Variants in IFT80 observed in about 807,000 individuals in gnomAD.
The protein encoded by IFT80 is intraflagellar transport 80.
IFT80 carries 79 observed loss-of-function variants against 107.9 expected under a neutral mutation model. That is an observed-to-expected ratio of 0.73 (90% CI 0.61 to 0.88). The LOEUF is 0.88. IFT80 is among the 40% of genes least tolerant of loss of function. The pLI, the probability that IFT80 is intolerant of heterozygous loss-of-function variation, is 0.00. For synonymous variants in IFT80, 299 were observed against 300.9 expected, an observed-to-expected ratio of 0.99 and a Z score of 0.07; for missense variants, 797 against 914.2, an observed-to-expected ratio of 0.87 and a Z score of 1.65.
At chr3:160,261,395 T>C (rs968783298) in intron 19 of IFT80, among the ~76,000 whole-genome samples, 19 of 150,636 alleles carry the variant, frequency 1.3e-4, no homozygotes, top group African/African-American at 7.4e-5. Context: ...ACTGTCTTCA[T>C]AGAGAGATAA....
intron 9 of IFT80, among the ~76,000 whole-genome samples, chr3:160,311,002 G>A (rs1404407566): frequency 6.6e-6 from 1 of 152,144 alleles, no homozygotes; most frequent in Non-Finnish European, 1.5e-5. Flanking sequence ...GCAGACACCT[G>A]TGGTCCCAGC....
At chr3:160,383,302 G>T (rs1712672992) in intron 2 of IFT80, 1 of 196,170 alleles carries the variant, frequency 5.1e-6, no homozygotes, top group Non-Finnish European at 9.2e-6. Flanking sequence ...CTATAAAATT[G>T]TGTATGGTGT....
At chr3:160,309,412 T>C (rs1717062479) in intron 9 of IFT80, among the ~76,000 whole-genome samples, 1 of 151,958 alleles carries the variant, frequency 6.6e-6, no homozygotes, top group Non-Finnish European at 1.5e-5. Flanking sequence ...AAAAATGCGC[T>C]AGGTGTGGTG....
intron 18 of IFT80, among the ~76,000 whole-genome samples, chr3:160,270,316 T>C (rs1312376761): frequency 6.6e-6 from 1 of 152,208 alleles, no homozygotes. Flanking sequence ...TGCCTTACTA[T>C]TGATCAAACT....
chr3:160,334,386 C>T (rs1000238925), intron 8 of IFT80, among the ~76,000 whole-genome samples: 2 of 150,596 alleles, frequency 1.3e-5, no homozygotes, highest in Non-Finnish European at 2.9e-5. Context: ...GGTATATACA[C>T]ATTTGATGTG....
intron 8 of IFT80, among the ~76,000 whole-genome samples, chr3:160,339,401 T>C (rs868717722): frequency 6.6e-6 from 1 of 152,212 alleles, no homozygotes; most frequent in Non-Finnish European, 1.5e-5. Context: ...TATTTTGTTA[T>C]GATTATGGGT....
intron 9 of IFT80, among the ~76,000 whole-genome samples, chr3:160,312,796 AAT>A (rs1717433800): frequency 2.4e-5 from 1 of 42,232 alleles, no homozygotes; most frequent in African/African-American, 8.9e-5. Flanking sequence ...ATATATATAT[AAT>A]AAATGTATAT....
Position 160,384,631 on chromosome 3 carries a change from C to A in IFT80, c.-31G>T. 1 of 1,587,258 alleles carries A rather than the reference C, an allele frequency of 6.3e-7. No individual in the cohort carries two copies. Among genetic ancestry groups the A allele is most frequent in the South Asian group, 1.1e-5 (1 of 90,282 alleles). ...CACTTCCAGCAAAAATTTAAGATGC[C>A]ACTTGATTGTATTTACTGTAAAAAT... On this transcript the variant is annotated 5_prime_UTR_variant, in exon 2 of 20. Coordinates refer to ENST00000326448, the MANE Select transcript of IFT80 (RefSeq NM_020800.3).
intron 8 of IFT80, among the ~76,000 whole-genome samples, chr3:160,329,335 T>C (rs566383303): frequency 1.0e-3 from 158 of 152,258 alleles, no homozygotes; most frequent in African/African-American, 3.5e-3. Flanking sequence ...TACTACCCTC[T>C]AAAAGGGAAT....
intron 3 of IFT80, chr3:160,377,742 G>A: frequency 2.5e-6 from 1 of 403,660 alleles, no homozygotes; most frequent in Non-Finnish European, 4.4e-6. Flanking sequence ...AAATGCATAT[G>A]CTTACGTGGT....
chr3:160,343,679 A>G (rs1282745180), intron 8 of IFT80: 1 of 224,244 alleles, frequency 4.5e-6, no homozygotes, highest in Non-Finnish European at 9.1e-6. Context: ...TAGTTTCTAT[A>G]TTTGTTTTTA....
intron 10 of IFT80, among the ~76,000 whole-genome samples, chr3:160,306,964 T>C (rs547546667): frequency 9.9e-5 from 15 of 152,206 alleles, no homozygotes; most frequent in Admixed American, 1.3e-4. Context: ...GACTAAACTA[T>C]ACATAATGTT....
At chr3:160,311,317 T>C (rs756548059) in intron 9 of IFT80, among the ~76,000 whole-genome samples, 9 of 152,146 alleles carry the variant, frequency 5.9e-5, no homozygotes, top group Non-Finnish European at 1.3e-4. Context: ...TTAAATGCAA[T>C]GTGGGGCTTT....
intron 12 of IFT80, among the ~76,000 whole-genome samples, chr3:160,289,900 T>C (rs895695448): frequency 5.3e-5 from 8 of 152,100 alleles, no homozygotes; most frequent in African/African-American, 9.7e-5. Flanking sequence ...AGAAGTGCCA[T>C]GTACTTTGGT....
intron 12 of IFT80, among the ~76,000 whole-genome samples, chr3:160,287,438 T>C (rs1715176552): frequency 6.6e-6 from 1 of 152,046 alleles, no homozygotes; most frequent in Non-Finnish European, 1.5e-5. Context: ...CTCCGGGTAG[T>C]GTAGAAATGA....
At chr3:160,319,695 A>G in intron 9 of IFT80, 65 bp downstream of exon 9, 2 of 1,279,588 alleles carry the variant, frequency 1.6e-6, no homozygotes, top group East Asian at 4.6e-5. Flanking sequence ...AGATAATTCC[A>G]TATTCTGTAC....
chr3:160,359,934 G>A (rs751711728), intron 6 of IFT80, among the ~76,000 whole-genome samples: 10 of 152,196 alleles, frequency 6.6e-5, no homozygotes, highest in Non-Finnish European at 1.0e-4. Context: ...CTAAAAACCA[G>A]AACACCCCTT....
intron 19 of IFT80, among the ~76,000 whole-genome samples, chr3:160,264,178 C>T (rs1559908296): frequency 1.3e-5 from 2 of 151,964 alleles, no homozygotes; most frequent in South Asian, 2.1e-4. Flanking sequence ...GGCGTGACCT[C>T]GGCTCACTGC....
intron 13 of IFT80, among the ~76,000 whole-genome samples, chr3:160,283,675 T>C (rs577152249): frequency 6.6e-6 from 1 of 152,282 alleles, no homozygotes; most frequent in East Asian, 1.9e-4. Context: ...CTTATCATCG[T>C]CATCATCATC....
Sources: gnomAD v4.1 joint callset for allele counts (sites outside exome capture counted in the v4.1 genomes callset) on GRCh38, gnomAD v4.1.1 for gene constraint, MANE v1.5 for transcripts, NCBI Gene and HGNC (gene_info 2026-07-23, HGNC 2026-07-21) for gene names.